The following NDUFAF6 variants were observed in gnomAD, a reference collection of about 807,000 sequenced individuals.
The protein encoded by NDUFAF6 is NADH dehydrogenase (ubiquinone) complex I, assembly factor 6.
NDUFAF6 carries 45 observed loss-of-function variants against 40.8 expected under a neutral mutation model. The observed-to-expected ratio is 1.10, with a 90% CI of 0.87 to 1.42. NDUFAF6 has a LOEUF of 1.42. Among genes scored for constraint, NDUFAF6 ranks in the 40% most tolerant of loss-of-function variants. The pLI, the probability that NDUFAF6 is intolerant of heterozygous loss-of-function variation, is 0.00. For missense variants in NDUFAF6, 435 were observed against 418.5 expected, an observed-to-expected ratio of 1.04 and a Z score of -0.34; for synonymous variants, 185 against 155.9, an observed-to-expected ratio of 1.19 and a Z score of -1.39.
chr8:95,063,021 A>C (rs1355437308), downstream of NDUFAF6, among the ~76,000 whole-genome samples: 2 of 152,340 alleles, frequency 1.3e-5, no homozygotes, highest in East Asian at 3.9e-4. Context: ...CCAGGTTGTT[A>C]AGTACAGCTG....
intron 2 of NDUFAF6, among the ~76,000 whole-genome samples, chr8:95,008,733 T>G (rs1430963528): frequency 6.6e-6 from 1 of 152,192 alleles, no homozygotes; most frequent in African/African-American, 2.4e-5. Flanking sequence ...GGTCTTGAAC[T>G]CGTGACCTCA....
At chr8:94,907,221 C>T (rs982364843) in intron 1 of NDUFAF6, among the ~76,000 whole-genome samples, 4 of 152,236 alleles carry the variant, frequency 2.6e-5, no homozygotes, top group Non-Finnish European at 5.9e-5. Flanking sequence ...ATGGCATCAA[C>T]TCATACTGTC....
chr8:95,053,627 C>CTT lies in NDUFAF6; in HGVS notation c.873+1399_873+1400dup, dbSNP rs200115852. Among the ~76,000 whole-genome samples the CTT allele has an allele frequency of 2.7e-3, 407 of 151,332 alleles. 3 individuals carry two copies. Among genetic ancestry groups the CTT allele is most frequent in the African/African-American group, 9.5e-3 (392 of 41,070 alleles). ...TCCCGTTTTACTTTTCTTTCTTTTT[C>CTT]TTTCTTTTTTTTTTTGGAGGCAGAT... is the stretch of plus-strand genomic sequence containing the variant. On this transcript the variant is annotated intron_variant, in intron 8 of 8. Transcript: ENST00000396124.
intron 2 of NDUFAF6, among the ~76,000 whole-genome samples, chr8:94,986,426 C>A (rs1390483495): frequency 6.6e-6 from 1 of 152,144 alleles, no homozygotes; most frequent in African/African-American, 2.4e-5. Context: ...ACATGAAGGT[C>A]CTTGAGGACA....
intron 2 of NDUFAF6, among the ~76,000 whole-genome samples, chr8:94,948,331 T>G (rs78634159): frequency 0.024 from 3,606 of 152,262 alleles, 135 homozygotes; most frequent in African/African-American, 0.08. Context: ...CTATTTCATA[T>G]AAGGTTATTA....
intron 1 of NDUFAF6, among the ~76,000 whole-genome samples, chr8:94,971,338 G>A (rs77805255): frequency 0.13 from 19,933 of 149,544 alleles, 1,636 homozygotes; most frequent in Middle Eastern, 0.24. Context: ...AATTCATAGA[G>A]TGAAGCTGAT....
intron 1 of NDUFAF6, among the ~76,000 whole-genome samples, chr8:94,979,908 AAC>A (rs1825274298): frequency 6.6e-6 from 1 of 152,206 alleles, no homozygotes; most frequent in African/African-American, 2.4e-5. Flanking sequence ...CAGCTTGGCC[AAC>A]ATGGCAAAAA....
At chr8:95,026,880 G>A (rs146677150) in intron 1 of NDUFAF6, among the ~76,000 whole-genome samples, 1 of 151,084 alleles carries the variant, frequency 6.6e-6, no homozygotes, top group Non-Finnish European at 1.5e-5. Flanking sequence ...GGATGCTGTT[G>A]CTACAAAAAA....
intron 1 of NDUFAF6, among the ~76,000 whole-genome samples, chr8:94,909,963 C>T (rs574260106): frequency 1.2e-3 from 178 of 152,082 alleles, no homozygotes; most frequent in Middle Eastern, 3.4e-3. Context: ...TTGTCTGCAT[C>T]AGAGGCCCCT....
chr8:94,916,377 G>A (rs1464841117), intron 1 of NDUFAF6, among the ~76,000 whole-genome samples: 2 of 152,186 alleles, frequency 1.3e-5, no homozygotes, highest in Non-Finnish European at 2.9e-5. Flanking sequence ...GTCTGAAGGG[G>A]TAAAGGTCAG....
chr8:95,015,760 A>G (rs1450346558), intron 2 of NDUFAF6, among the ~76,000 whole-genome samples: 2 of 152,246 alleles, frequency 1.3e-5, no homozygotes, highest in Non-Finnish European at 2.9e-5. Context: ...TTATATAGTG[A>G]TAAGTACCAA....
chr8:94,921,994 G>A (rs1406553247), intron 1 of NDUFAF6, among the ~76,000 whole-genome samples: 3 of 152,034 alleles, frequency 2.0e-5, no homozygotes, highest in Non-Finnish European at 2.9e-5. Flanking sequence ...CCAGCAATCC[G>A]TGTTTTTTTG....
chr8:95,058,727 C>A, downstream of NDUFAF6: 4 of 995,962 alleles, frequency 4.0e-6, no homozygotes, highest in Non-Finnish European at 4.8e-6. Context: ...ACATTCTGCG[C>A]TATACATTGT....
At position 94,950,257 on chromosome 8, in the gene NDUFAF6, G is replaced by C. The variant is rs547315931; in HGVS notation, c.-799+4638G>C. Reference sequence around the variant, plus strand: ...TCACGCCGGGACTGCCAACTCACCAGGTTATTTATAGTGACAAGAGAGTGA... The same window carrying C: ...TCACGCCGGGACTGCCAACTCACCACGTTATTTATAGTGACAAGAGAGTGA... On this transcript the variant is annotated intron_variant, in intron 2 of 14. Coordinates refer to the NDUFAF6 transcript ENST00000396113. The C allele has an allele frequency of 2.6e-5, 4 of 152,446 alleles. No homozygotes were observed. The South Asian group carries it at 8.3e-4, about 32-fold the overall frequency. The allele number at this position is 152,446 out of a possible 1,614,324, so 9.4% of individuals were successfully genotyped here. A position where few individuals can be genotyped will look rare whatever the true frequency, so the allele number is the denominator to read the frequency against.
chr8:94,951,634 G>T (rs1822628454), intron 2 of NDUFAF6, among the ~76,000 whole-genome samples: 1 of 152,356 alleles, frequency 6.6e-6, no homozygotes, highest in South Asian at 2.1e-4. Flanking sequence ...CATAGGTGAA[G>T]TCTGTCCCTA....
intron 9 of NDUFAF6, among the ~76,000 whole-genome samples, chr8:95,073,518 C>G (rs573453007): frequency 6.6e-6 from 1 of 152,156 alleles, no homozygotes. Flanking sequence ...CGCCTCGCCC[C>G]GCTGCTCCTC....
chr8:95,015,129 G>A (rs951478101), intron 2 of NDUFAF6, among the ~76,000 whole-genome samples: 1 of 152,322 alleles, frequency 6.6e-6, no homozygotes, highest in East Asian at 1.9e-4. Flanking sequence ...AAAAGAAAGA[G>A]TTCTGTCAGG....
At chr8:94,950,786 G>C (rs1485833107) in intron 2 of NDUFAF6, 1 of 152,110 alleles carries the variant, frequency 6.6e-6, no homozygotes, top group African/African-American at 2.4e-5. Flanking sequence ...CATTGAAGAG[G>C]CCATCTCCAC....
chr8:94,986,453 A>G (rs1412306974), intron 2 of NDUFAF6, among the ~76,000 whole-genome samples: 1 of 152,234 alleles, frequency 6.6e-6, no homozygotes, highest in African/African-American at 2.4e-5. Flanking sequence ...TCCTGGAGAG[A>G]AAATTGTCAC....
Sources: gnomAD v4.1 joint callset for allele counts (sites outside exome capture counted in the v4.1 genomes callset) on GRCh38, gnomAD v4.1.1 for gene constraint, MANE v1.5 for transcripts, NCBI Gene and HGNC (gene_info 2026-07-23, HGNC 2026-07-21) for gene names.